WDR7: variants seen among roughly 807,000 people sequenced by gnomAD.
The protein encoded by WDR7 is WD repeat-containing protein 7.
In WDR7, 46 loss-of-function variants were observed where a neutral mutation model predicts 169.4. The ratio of observed to expected loss-of-function variants is 0.27; its 90% confidence interval spans 0.21 to 0.35. The LOEUF (loss-of-function observed/expected upper bound fraction) is 0.35. Among genes scored for constraint, WDR7 ranks in the 10% least tolerant of loss-of-function variants. The pLI is 1.00. For synonymous variants in WDR7, 612 were observed against 666.8 expected (o/e 0.92, Z 1.27); for missense variants, 1,534 against 1,859.3 (o/e 0.83, Z 3.22).
intron 15 of WDR7, among the ~76,000 whole-genome samples, chr18:56,758,019 A>G (rs1015083936): frequency 6.6e-6 from 1 of 152,160 alleles, no homozygotes; most frequent in Admixed American, 6.5e-5. Context: ...ATTGTAACAT[A>G]TGTAATGATT....
chr18:57,017,188 A>G (rs1211501309), intron 26 of WDR7, among the ~76,000 whole-genome samples: 1 of 152,226 alleles, frequency 6.6e-6, no homozygotes, highest in African/African-American at 2.4e-5. Context: ...AGACAATGGC[A>G]ACATTTCCAT....
rs1433410505 is a variant in WDR7 at position 57,027,149 on chromosome 18, C to G, written c.4415C>G (p.Ser1472Cys). The G allele has an allele frequency of 1.2e-6, 2 of 1,614,186 alleles. No homozygotes were observed. The highest frequency in any genetic ancestry group is 8.5e-7 in the Non-Finnish European group (1 of 1,180,036). Residue 1472 changes from serine (S) to cysteine (C), a missense_variant, in exon 28 of 28, where the codon TCC becomes TGC. Physicochemically the swap from Ser to Cys is moderately radical, Grantham distance 112. Transcript: ENST00000254442. ...AAGCTGGCCCGGCTCATCTGGACTT[C>G]CAACCGCAACGTCATCCTCATGGCC... is the stretch of plus-strand genomic sequence containing the variant. ...ALKLARLIWT[S>C]NRNVILMAHD... is the part of the protein sequence containing the mutation.
intron 22 of WDR7, among the ~76,000 whole-genome samples, chr18:56,931,417 T>C (rs1203932043): frequency 2.0e-5 from 3 of 152,358 alleles, no homozygotes; most frequent in South Asian, 4.1e-4. Context: ...ACCAGATCAA[T>C]TGCTTTGACT....
At chr18:57,007,999 A>G (rs1437977127) in intron 26 of WDR7, among the ~76,000 whole-genome samples, 1 of 152,022 alleles carries the variant, frequency 6.6e-6, no homozygotes, top group Non-Finnish European at 1.5e-5. Flanking sequence ...CTTTTCATAA[A>G]CCTGTTCCTA....
rs1386592554 is a variant in WDR7, at chr18:56,694,771, A to C, written c.1108+11A>C. 6 of 1,596,444 alleles carry C rather than the reference A, an allele frequency of 3.8e-6. No homozygotes were observed. The South Asian group carries it at 6.9e-5, about 18-fold the overall frequency. ...AGGGAAGTGAAGAAGGTAATAGTAA[A>C]TCATGTGTAACAATTTCTTAATTAA... On this transcript the variant is annotated intron_variant, in intron 10 of 27. Coordinates refer to ENST00000254442, the MANE Select transcript of WDR7 (RefSeq NM_015285.3).
At chr18:56,705,358 T>G (rs1220346951) in intron 12 of WDR7, among the ~76,000 whole-genome samples, 1 of 151,972 alleles carries the variant, frequency 6.6e-6, no homozygotes, top group Non-Finnish European at 1.5e-5. Context: ...ACAGCAGTTA[T>G]AAAGGAGTAT....
At chr18:56,955,153 G>C (rs1218478165) in intron 25 of WDR7, among the ~76,000 whole-genome samples, 3 of 152,076 alleles carry the variant, frequency 2.0e-5, no homozygotes, top group African/African-American at 7.2e-5. Flanking sequence ...AAATTCTTAA[G>C]TTAGGTCTCA....
chr18:56,794,716 C>A (rs1481907850), intron 19 of WDR7, among the ~76,000 whole-genome samples: 1 of 152,006 alleles, frequency 6.6e-6, no homozygotes, highest in African/African-American at 2.4e-5. Context: ...TCTATTTTGC[C>A]AATATGTTTC....
At position 56,679,446 on chromosome 18, in the gene WDR7, T is replaced by G. The variant is rs1445128900; in HGVS notation, c.266+8T>G. Reference sequence around the variant, plus strand: ...GAGTGCATCTGAAAGTGGGTAAGTATTTTCTCATTTGCCTCTTTTTCTCAT... The same window carrying G: ...GAGTGCATCTGAAAGTGGGTAAGTAGTTTCTCATTTGCCTCTTTTTCTCAT... On this transcript the variant is annotated splice_region_variant and intron_variant, in intron 3 of 27. Coordinates refer to ENST00000254442, the MANE Select transcript of WDR7 (RefSeq NM_015285.3). The G allele has an allele frequency of 1.3e-6, 2 of 1,588,116 alleles. No homozygotes were observed. Among genetic ancestry groups the G allele is most frequent in the Non-Finnish European group, 8.6e-7 (1 of 1,159,292 alleles).
At chr18:56,706,536 C>T (rs1260603726) in intron 12 of WDR7, among the ~76,000 whole-genome samples, 2 of 152,116 alleles carry the variant, frequency 1.3e-5, no homozygotes, top group Non-Finnish European at 2.9e-5. Context: ...AACGCTTGGC[C>T]TGTAATGAGA....
intron 20 of WDR7, among the ~76,000 whole-genome samples, chr18:56,849,088 G>A (rs2045606036): frequency 6.6e-6 from 1 of 151,982 alleles, no homozygotes; most frequent in Admixed American, 6.6e-5. Context: ...TCTTAACCCA[G>A]TGTACCCTTC....
At chr18:56,948,296 A>G (rs986198775) in intron 25 of WDR7, among the ~76,000 whole-genome samples, 1 of 152,134 alleles carries the variant, frequency 6.6e-6, no homozygotes, top group Non-Finnish European at 1.5e-5. Flanking sequence ...GCATTCCCAG[A>G]TAGGTCCTTA....
chr18:56,687,784 G>A (rs2025472951), intron 7 of WDR7, among the ~76,000 whole-genome samples: 1 of 152,054 alleles, frequency 6.6e-6, no homozygotes. Flanking sequence ...GCATTACCAA[G>A]CCTGGCTAAT....
At chr18:56,841,267 C>T (rs778426404) in intron 20 of WDR7, among the ~76,000 whole-genome samples, 14 of 151,330 alleles carry the variant, frequency 9.3e-5, no homozygotes, top group East Asian at 7.9e-4. Context: ...AATGGCTGGG[C>T]GCGGTGGCCC....
chr18:56,781,757 T>A, intron 19 of WDR7, 101 bp downstream of exon 19: 1 of 1,211,372 alleles, frequency 8.3e-7, no homozygotes, highest in Non-Finnish European at 1.1e-6. Flanking sequence ...CAAAAATGAG[T>A]CACTGACCTT....
In WDR7 at chr18:57,028,383, T is replaced by C. The variant is rs963532712; in HGVS notation, c.*1176T>C. The C allele has an allele frequency of 1.3e-5, 2 of 152,204 alleles. No homozygotes were observed. The highest frequency in any genetic ancestry group is 4.8e-5 in the African/African-American group (2 of 41,444). 9.4% of individuals were successfully genotyped at this position (152,204 alleles called of 1,614,324 possible). On this transcript the variant is annotated 3_prime_UTR_variant, in exon 28 of 28. Transcript: ENST00000254442. Reference sequence around the variant, plus strand: ...CTTTAACTAGACCACTTTCTTCTTATGTCAGATTGTGCTGGTTCTAGCTCA... The same window carrying C: ...CTTTAACTAGACCACTTTCTTCTTACGTCAGATTGTGCTGGTTCTAGCTCA...
At chr18:56,792,058 C>T (rs572911195) in intron 19 of WDR7, among the ~76,000 whole-genome samples, 35 of 152,118 alleles carry the variant, frequency 2.3e-4, no homozygotes, top group African/African-American at 7.0e-4. Flanking sequence ...CGCTCTGTCA[C>T]GAAGGCTGGA....
chr18:56,875,241 C>G (rs970844583), intron 20 of WDR7, among the ~76,000 whole-genome samples: 1 of 152,132 alleles, frequency 6.6e-6, no homozygotes, highest in Non-Finnish European at 1.5e-5. Flanking sequence ...TATCTCAAAT[C>G]TTTCTGCCAT....
chr18:56,866,443 AG>A (rs1486857248), intron 20 of WDR7, among the ~76,000 whole-genome samples: 1 of 152,030 alleles, frequency 6.6e-6, no homozygotes, highest in Non-Finnish European at 1.5e-5. Flanking sequence ...CTTAAGTAAA[AG>A]GTGGACTTCA....
Sources: gnomAD v4.1 joint callset for allele counts (sites outside exome capture counted in the v4.1 genomes callset) on GRCh38, gnomAD v4.1.1 for gene constraint, MANE v1.5 for transcripts, NCBI Gene and HGNC (gene_info 2026-07-23, HGNC 2026-07-21) for gene names.